ATG2A: variants seen among roughly 807,000 people sequenced by gnomAD.
ATG2A encodes the protein autophagy related 2A.
Under a neutral mutation model 214.2 loss-of-function variants are expected in ATG2A, and 103 were observed. The observed-to-expected ratio is 0.48, with a 90% CI of 0.41 to 0.57. The LOEUF (loss-of-function observed/expected upper bound fraction) is 0.57. Among genes scored for constraint, ATG2A ranks in the 20% least tolerant of loss-of-function variants. The pLI is 0.00. For synonymous variants in ATG2A, 1,160 were observed against 1,142.1 expected, an observed-to-expected ratio of 1.02 and a Z score of -0.32; for missense variants, 2,312 against 2,613.2, an observed-to-expected ratio of 0.88 and a Z score of 2.51.
intron 37 of ATG2A, 82 bp from the exon 38 acceptor site, chr11:64,896,951 C>T (rs1315470157): frequency 1.9e-6 from 3 of 1,562,502 alleles, no homozygotes; most frequent in South Asian, 2.3e-5. Context: ...GGACTCAGTA[C>T]CCCTGTGGCA....
rs1316305871 is a variant in ATG2A at position 64,896,810 on chromosome 11, C to T, written c.5210G>A (p.Arg1737His). Residue 1737 changes from arginine (R) to histidine (H), a missense_variant, in exon 38 of 41, where the codon CGC becomes CAC. Arg to His is a conservative substitution (Grantham distance 29). Coordinates refer to ENST00000377264, the MANE Select transcript of ATG2A (RefSeq NM_015104.3). The part of the protein sequence containing the change: ...YALNEWLQDI[R>H]KNQLPGLLGG... ...CAGCAGGCCGGGCAGCTGGTTCTTG[C>T]GGATGTCCTGCAGCCACTCGTTGAG... The T allele has an allele frequency of 5.6e-6, 9 of 1,613,982 alleles. No individual in the cohort carries two copies. Among genetic ancestry groups the T allele is most frequent in the African/African-American group, 2.7e-5 (2 of 74,920 alleles).
At position 64,911,216 on chromosome 11, in the gene ATG2A, T is replaced by C. The variant is rs1242710716; in HGVS notation, c.1288A>G (p.Thr430Ala). The C allele has an allele frequency of 1.2e-6, 2 of 1,613,858 alleles. No homozygotes were observed. Among genetic ancestry groups the C allele is most frequent in the Non-Finnish European group, 1.7e-6 (2 of 1,179,992 alleles). The stretch of plus-strand genomic sequence containing the variant: ...AAGGTCAGGGTCACACCCCCCAAGG[T>C]CATCTTCAGCAGCGAGTCAGGGCGC... ...TMRPDSLLKM[T>A]LGGVTLTLLQ... Residue 430 changes from threonine (T) to alanine (A), a missense_variant, in exon 10 of 41, where the codon ACC (threonine) becomes GCC (alanine). Physicochemically the swap from Thr to Ala is moderately conservative, Grantham distance 58 (BLOSUM62 0). Coordinates refer to ENST00000377264, the MANE Select transcript of ATG2A (RefSeq NM_015104.3).
intron 24 of ATG2A, among the ~76,000 whole-genome samples, chr11:64,904,858 A>G (rs1944485720): frequency 6.6e-6 from 1 of 151,600 alleles, no homozygotes; most frequent in Non-Finnish European, 1.5e-5. Flanking sequence ...CTATCTATCT[A>G]TCTATGTATT....
rs2136574569 is a variant in ATG2A at position 64,903,705 on chromosome 11, G to T, written c.3465-45C>A. 1 of 1,528,278 alleles carries T rather than the reference G, an allele frequency of 6.5e-7. No individual in the cohort carries two copies. The highest frequency in any genetic ancestry group is 8.8e-7 in the Non-Finnish European group (1 of 1,130,996). The allele number at this position is 1,528,278 out of a possible 1,614,324, so 94.7% of individuals were successfully genotyped here. ...AGAAGGGCCCGGGCACCGCTGCAGG[G>T]GGCAGCTCCACGGGAGCCGAGCAGA... On this transcript the variant is annotated intron_variant, in intron 24 of 40. Coordinates refer to ENST00000377264, the MANE Select transcript of ATG2A (RefSeq NM_015104.3). This position sits in a 1 kb window ranked among gnomAD's most constrained non-coding sequence, Gnocchi z 4.2.
Position 64,897,657 on chromosome 11 carries a change from A to G in ATG2A, c.5067+14T>C. Reference sequence around the variant, plus strand: ...TGACCCCACATGGCCACCCCATCCGACCGCCCCACTTACCACCTGGTCCAT... The same window carrying G: ...TGACCCCACATGGCCACCCCATCCGGCCGCCCCACTTACCACCTGGTCCAT... On this transcript the variant is annotated intron_variant, in intron 36 of 40. Coordinates refer to ENST00000377264, the MANE Select transcript of ATG2A (RefSeq NM_015104.3). The G allele has an allele frequency of 6.2e-7, 1 of 1,613,990 alleles. No individual in the cohort carries two copies. The highest frequency in any genetic ancestry group is 8.5e-7 in the Non-Finnish European group (1 of 1,179,964).
chr11:64,905,912 T>C, intron 22 of ATG2A, 64 bp from the exon 23 acceptor site: 3 of 1,519,752 alleles, frequency 2.0e-6, no homozygotes, highest in Non-Finnish European at 9.1e-7. Context: ...CTCTAACCCC[T>C]CCCTGTCCTG....
chr11:64,906,574 C>T, intron 20 of ATG2A, 41 bp from the exon 21 acceptor site: 1 of 1,609,126 alleles, frequency 6.2e-7, no homozygotes, highest in Non-Finnish European at 8.5e-7. Flanking sequence ...AGCCAACTGG[C>T]TACCCACTCC....
At position 64,910,676 on chromosome 11, in the gene ATG2A, C is replaced by G; in HGVS notation, c.1647G>C (p.Gln549His). Residue 549 changes from glutamine to histidine, a missense_variant, in exon 12 of 41, where the codon CAG becomes CAC. Physicochemically the swap from Gln to His is conservative, Grantham distance 24. Transcript: ENST00000377264. The part of the protein sequence containing the change: ...ILTFPGTLGS[Q>H]ASARPCAHLR... ...GATGGGCGCAGGGCCGAGCTGAGGC[C>G]TGGGAGCCCAGCGTACCAGGAAAGG... 6.2e-7 allele frequency: 1 copy of G among 1,610,494 alleles called. No homozygotes were observed. Among genetic ancestry groups the G allele is most frequent in the Non-Finnish European group, 8.5e-7 (1 of 1,178,630 alleles).
chr11:64,910,282 G>C, intron 12 of ATG2A, 87 bp from the exon 13 acceptor site: 2 of 1,492,476 alleles, frequency 1.3e-6, no homozygotes, highest in Middle Eastern at 2.4e-4. Flanking sequence ...TGGGAGAAGA[G>C]CTGGGGCAGG....
chr11:64,909,308 C>A lies in ATG2A; in HGVS notation c.2167G>T (p.Asp723Tyr), dbSNP rs182626621. 88 of 1,613,692 alleles carry A rather than the reference C, an allele frequency of 5.5e-5. No individual in the cohort carries two copies. Among genetic ancestry groups the A allele is most frequent in the Admixed American group, 2.8e-4 (17 of 60,018 alleles). Residue 723 changes from aspartate to tyrosine, a missense_variant, in exon 15 of 41, where the codon GAC becomes TAC. Physicochemically the swap from Asp to Tyr is radical, Grantham distance 160 (BLOSUM62 -3). Coordinates refer to ENST00000377264, the MANE Select transcript of ATG2A (RefSeq NM_015104.3). ...VPCLRVSKAL[D>Y]PKSTGRKYFL... is the part of the protein sequence containing the mutation. The stretch of plus-strand genomic sequence containing the variant: ...TACTTGCGCCCAGTGCTCTTGGGGT[C>A]CAGGGCTTTGGAGACACGCAGGCAA...
Position 64,910,098 on chromosome 11 carries a change from C to G in ATG2A, c.1805G>C (p.Arg602Pro). 6.2e-7 allele frequency: 1 copy of G among 1,610,384 alleles called. No individual in the cohort carries two copies. Among genetic ancestry groups the G allele is most frequent in the Non-Finnish European group, 8.5e-7 (1 of 1,179,076 alleles). ...QADVELGALDRLAALLRLATV... is the reference protein window; with the variant it reads ...QADVELGALDPLAALLRLATV... Reference sequence around the variant, plus strand: ...GGCCAGGCGCAGTAGGGCGGCCAGCCGGTCCAGGGCCCCCAGCTCCACGTC... The same window carrying G: ...GGCCAGGCGCAGTAGGGCGGCCAGCGGGTCCAGGGCCCCCAGCTCCACGTC... The change falls in exon 13 of 41, where the codon CGG becomes CCG. Residue 602 changes from arginine (R) to proline (P), a missense_variant. Transcript: ENST00000377264.
In ATG2A at chr11:64,913,670, G is replaced by C; in HGVS notation, c.590+151C>G. ...CCTCTGGACACCAGTCCGGGCTCAC[G>C]ATGCAGCCCACCTCCCCAACCCTAC... On this transcript the variant is annotated intron_variant, in intron 4 of 40. Coordinates refer to ENST00000377264, the MANE Select transcript of ATG2A (RefSeq NM_015104.3). The surrounding 1 kb of genome is among the most constrained non-coding windows in gnomAD (Gnocchi z 4.3). 1 of 858,358 alleles carries C rather than the reference G, an allele frequency of 1.2e-6. No homozygotes were observed. The highest frequency in any genetic ancestry group is 1.8e-6 in the Non-Finnish European group (1 of 558,366). 53.2% of individuals were successfully genotyped at this position (858,358 alleles called of 1,614,324 possible).
chr11:64,899,606 T>C, intron 31 of ATG2A, among the ~76,000 whole-genome samples: 1 of 152,092 alleles, frequency 6.6e-6, no homozygotes, highest in East Asian at 1.9e-4. Flanking sequence ...GGCCCAAACC[T>C]TGAACCCTCT....
rs1251352613 is a variant in ATG2A at position 64,902,261 on chromosome 11, T to C, written c.3903A>G (p.Ser1301=). The change falls in exon 28 of 41, where the codon TCA becomes TCG. Residue 1301 remains serine, a splice_region_variant and synonymous_variant. Coordinates refer to ENST00000377264, the MANE Select transcript of ATG2A (RefSeq NM_015104.3). ...GTCCCCACAGCACCCCCACTTCACC[T>C]GAAGGCTGGGCCAGCTCCCGTAGGC... The part of the protein sequence containing the change: ...ERSLRELAQP[S]GGHLPQASPI... 1 of 1,613,018 alleles carries C rather than the reference T, an allele frequency of 6.2e-7. No homozygotes were observed. The highest frequency in any genetic ancestry group is 1.3e-5 in the African/African-American group (1 of 74,902).
chr11:64,895,424 A>G lies in ATG2A; in HGVS notation c.5446T>C (p.Tyr1816His). The change falls in exon 40 of 41, where the codon TAT (tyrosine) becomes CAT (histidine). Residue 1816 changes from tyrosine (Y) to histidine (H), a missense_variant. Transcript: ENST00000377264. The surrounding 1 kb of genome is among the most constrained non-coding windows in gnomAD (Gnocchi z 5.0). ...QAIQATAETVYDILSPAAPVS... is the reference protein window; with the variant it reads ...QAIQATAETVHDILSPAAPVS... ...GGGGCTGCCGGGGACAGGATGTCAT[A>G]CACGGTCTCAGCTGTGGCCTGGGGG... 1 of 1,597,472 alleles carries G rather than the reference A, an allele frequency of 6.3e-7. No individual in the cohort carries two copies. The highest frequency in any genetic ancestry group is 1.1e-5 in the South Asian group (1 of 89,186).
Position 64,909,292 on chromosome 11 carries a change from C to A in ATG2A, c.2183G>T (p.Gly728Val), listed in dbSNP as rs1944672574. The change falls in exon 15 of 41, where the codon GGG (glycine) becomes GTG (valine). Residue 728 changes from glycine to valine, a missense_variant. Coordinates refer to ENST00000377264, the MANE Select transcript of ATG2A (RefSeq NM_015104.3). ...TTACTGGGGCAGGAAGTACTTGCGCCCAGTGCTCTTGGGGTCCAGGGCTTT... is the reference window on the plus strand; with the variant it reads ...TTACTGGGGCAGGAAGTACTTGCGCACAGTGCTCTTGGGGTCCAGGGCTTT... ...VSKALDPKST[G>V]RKYFLPQVVV... is the part of the protein sequence containing the mutation. The A allele has an allele frequency of 6.2e-7, 1 of 1,613,600 alleles. No homozygotes were observed. Among genetic ancestry groups the A allele is most frequent in the Middle Eastern group, 1.7e-4 (1 of 6,056 alleles).
chr11:64,905,845 A>G lies in ATG2A; in HGVS notation c.3268T>C (p.Leu1090=). The G allele has an allele frequency of 6.2e-7, 1 of 1,613,280 alleles. No homozygotes were observed. Among genetic ancestry groups the G allele is most frequent in the Non-Finnish European group, 8.5e-7 (1 of 1,179,920 alleles). ...TCATCCAGCACGTCTAGGAACTCCA[A>G]CAACTTCAGAGGCCAGGGCAGGAGG... The part of the protein sequence containing the change: ...LPEQSWHSQL[L]EFLDVLDDPV... Residue 1090 remains leucine, a synonymous_variant, in exon 23 of 41, where the codon TTG becomes CTG. Transcript: ENST00000377264.
intron 37 of ATG2A, 155 bp from the exon 38 acceptor site, chr11:64,897,024 C>A: frequency 1.1e-6 from 1 of 893,184 alleles, no homozygotes; most frequent in Non-Finnish European, 1.6e-6. Flanking sequence ...GGACTGTGTC[C>A]TTTTTTTTTT....
chr11:64,900,653 G>A (rs1380149912), intron 30 of ATG2A, 24 bp from the exon 31 acceptor site: 6 of 1,575,246 alleles, frequency 3.8e-6, no homozygotes, highest in South Asian at 3.5e-5. Context: ...CAGGGGCCAA[G>A]CTGACTCAGA....
Sources: allele counts gnomAD v4.1 joint callset (sites outside exome capture counted in the v4.1 genomes callset), GRCh38; gene constraint gnomAD v4.1.1; non-coding constraint Gnocchi (gnomAD v3.1); transcripts MANE v1.5; gene names NCBI Gene and HGNC (gene_info 2026-07-23, HGNC 2026-07-21).